The following B3GALT1 variants were observed in gnomAD, a reference collection of about 807,000 sequenced individuals.
The protein encoded by B3GALT1 is UDP-Gal:betaGlcNAc beta 1,3-galactosyltransferase, polypeptide 1.
In B3GALT1, 10 loss-of-function variants were observed where a neutral mutation model predicts 23.2. That is an observed-to-expected ratio of 0.43 (90% confidence interval 0.27 to 0.73). B3GALT1 has a LOEUF of 0.73. B3GALT1 is among the 30% of genes least tolerant of loss of function. The pLI is 0.21. For missense variants in B3GALT1, 299 were observed against 405.4 expected (o/e 0.74, Z 2.25); for synonymous variants, 156 against 141.5 (o/e 1.10, Z -0.73).
chr2:167,669,863 C>G (rs1686292075), intron 3 of B3GALT1, among the ~76,000 whole-genome samples: 1 of 152,162 alleles, frequency 6.6e-6, no homozygotes, highest in African/African-American at 2.4e-5. Context: ...ATTTCTCACC[C>G]CACCCAGAAC....
chr2:167,513,437 T>A (rs1700058413), intron 2 of B3GALT1, among the ~76,000 whole-genome samples: 1 of 152,136 alleles, frequency 6.6e-6, no homozygotes, highest in Admixed American at 6.6e-5. Flanking sequence ...TGTGAACAAA[T>A]CAATGGCAGA....
At chr2:167,364,119 G>C (rs1697545765) in intron 1 of B3GALT1, among the ~76,000 whole-genome samples, 1 of 131,410 alleles carries the variant, frequency 7.6e-6, no homozygotes, top group Non-Finnish European at 1.5e-5. Context: ...AGCTGAGATT[G>C]TGCCACTGCA....
At chr2:167,423,028 T>C (rs950150030) in intron 1 of B3GALT1, among the ~76,000 whole-genome samples, 3 of 152,034 alleles carry the variant, frequency 2.0e-5, no homozygotes, top group East Asian at 1.9e-4. Flanking sequence ...ATATGAAAAT[T>C]CCTCAAAAGT....
intron 1 of B3GALT1, among the ~76,000 whole-genome samples, chr2:167,409,789 G>A (rs993297324): frequency 2.0e-5 from 3 of 151,822 alleles, no homozygotes; most frequent in Admixed American, 6.6e-5. Context: ...AGATGCTGGC[G>A]AAGGTGTGGA....
intron 3 of B3GALT1, among the ~76,000 whole-genome samples, chr2:167,729,714 T>C (rs575121658): frequency 6.6e-6 from 1 of 152,276 alleles, no homozygotes; most frequent in East Asian, 1.9e-4. Context: ...CCGTCCTTTC[T>C]AGTGCATTCC....
At chr2:167,657,677 A>T (rs1364383705) in intron 3 of B3GALT1, among the ~76,000 whole-genome samples, 1 of 152,100 alleles carries the variant, frequency 6.6e-6, no homozygotes, top group East Asian at 1.9e-4. Flanking sequence ...TAGTGGGCTG[A>T]TAGTGATCAG....
chr2:167,732,090 C>G (rs1687419180), intron 3 of B3GALT1, among the ~76,000 whole-genome samples: 1 of 152,172 alleles, frequency 6.6e-6, no homozygotes, highest in African/African-American at 2.4e-5. Flanking sequence ...AAGAAGTACT[C>G]TAAGCTCAAT....
chr2:167,517,571 T>G (rs1474996076), intron 2 of B3GALT1, among the ~76,000 whole-genome samples: 4 of 152,048 alleles, frequency 2.6e-5, no homozygotes, highest in African/African-American at 4.8e-5. Context: ...TCTTTTTCAT[T>G]GATTACCATT....
chr2:167,328,434 A>G (rs912567942), intron 1 of B3GALT1, among the ~76,000 whole-genome samples: 1 of 152,090 alleles, frequency 6.6e-6, no homozygotes, highest in African/African-American at 2.4e-5. Context: ...TTCCTGATTT[A>G]ATTTTGGTAA....
chr2:167,660,555 T>C (rs1686042413), intron 3 of B3GALT1, among the ~76,000 whole-genome samples: 1 of 152,130 alleles, frequency 6.6e-6, no homozygotes, highest in African/African-American at 2.4e-5. Context: ...TTGCATACTA[T>C]TTCTAGAATA....
chr2:167,590,886 A>G (rs1226864135), intron 2 of B3GALT1, among the ~76,000 whole-genome samples: 5 of 152,216 alleles, frequency 3.3e-5, no homozygotes, highest in African/African-American at 9.6e-5. Context: ...GAGAGGGTAT[A>G]AAGTAACAGA....
At chr2:167,444,292 C>T (rs560856830) in intron 1 of B3GALT1, among the ~76,000 whole-genome samples, 102 of 152,286 alleles carry the variant, frequency 6.7e-4, no homozygotes, top group African/African-American at 2.4e-3. Flanking sequence ...AGGATTTTTG[C>T]ATTGATGGTC....
At chr2:167,339,839 T>G (rs13384317) in intron 1 of B3GALT1, among the ~76,000 whole-genome samples, 2,499 of 152,248 alleles carry the variant, frequency 0.016, 56 homozygotes, top group East Asian at 0.082. Context: ...ATCTGCAGTG[T>G]TCCCTCAGGG....
intron 4 of B3GALT1, among the ~76,000 whole-genome samples, chr2:167,826,499 C>T (rs1689232607): frequency 6.6e-6 from 1 of 152,158 alleles, no homozygotes; most frequent in Non-Finnish European, 1.5e-5. Flanking sequence ...CTGAGGAGGT[C>T]TCTGAGGCTT....
intron 3 of B3GALT1, among the ~76,000 whole-genome samples, chr2:167,805,375 T>C (rs1256959356): frequency 6.6e-6 from 1 of 152,246 alleles, no homozygotes; most frequent in Non-Finnish European, 1.5e-5. Flanking sequence ...CCATTGCTTT[T>C]GGTGTTTTAG....
chr2:167,824,721 G>C (rs1444152635), intron 4 of B3GALT1, among the ~76,000 whole-genome samples: 4 of 152,172 alleles, frequency 2.6e-5, no homozygotes, highest in Non-Finnish European at 4.4e-5. Flanking sequence ...CTTGGGACAG[G>C]TCCCCAAGCA....
chr2:167,780,405 G>A (rs1688227463), intron 3 of B3GALT1, among the ~76,000 whole-genome samples: 1 of 152,182 alleles, frequency 6.6e-6, no homozygotes. Context: ...AAGGGCCACT[G>A]AAATTCTAAG....
chr2:167,824,829 G>T (rs1050625949), intron 4 of B3GALT1, among the ~76,000 whole-genome samples: 2 of 152,182 alleles, frequency 1.3e-5, no homozygotes, highest in Non-Finnish European at 2.9e-5. Flanking sequence ...CAGGGTTGCA[G>T]GATCATGAAT....
At chr2:167,725,010 T>C (rs1165655272) in intron 3 of B3GALT1, among the ~76,000 whole-genome samples, 1 of 152,202 alleles carries the variant, frequency 6.6e-6, no homozygotes, top group East Asian at 1.9e-4. Context: ...ACAATGAGAC[T>C]CATTTGTCCA....
Sources: allele counts gnomAD v4.1 joint callset (sites outside exome capture counted in the v4.1 genomes callset), GRCh38; gene constraint gnomAD v4.1.1; transcripts MANE v1.5; gene names NCBI Gene and HGNC (gene_info 2026-07-23, HGNC 2026-07-21).